The following KYAT3 variants were observed in gnomAD, a reference collection of about 807,000 sequenced individuals.
KYAT3 encodes the protein kynurenine aminotransferase 3, also known as kynurenine--oxoglutarate transaminase 3.
In KYAT3, 50 loss-of-function variants were observed where a neutral mutation model predicts 59.0. The observed-to-expected ratio is 0.85, with a 90% CI of 0.68 to 1.07. The LOEUF is 1.07. Among genes scored for constraint, KYAT3 ranks in the 50% least tolerant of loss-of-function variants. The pLI, the probability that KYAT3 is intolerant of heterozygous loss-of-function variation, is 0.00. For synonymous variants in KYAT3, 148 were observed against 177.0 expected, an observed-to-expected ratio of 0.84 and a Z score of 1.30; for missense variants, 497 against 533.3, an observed-to-expected ratio of 0.93 and a Z score of 0.67.
rs1675573786 is a variant in KYAT3 at position 88,949,192 on chromosome 1, TCTAA to T, written c.1036_1039del (p.Leu346LysfsTer2). ...ACGTACCATCCGATCTCTTTTTACT[TCTAA>T]CTCTTTTGGCAAAGAATTAAAGTAA... On this transcript the variant is annotated frameshift_variant, in exon 11 of 14. Coordinates refer to ENST00000260508, the MANE Select transcript of KYAT3 (RefSeq NM_001008661.3). LOFTEE classifies it high-confidence loss of function. The T allele has an allele frequency of 1.2e-6, 2 of 1,610,848 alleles. No homozygotes were observed. The highest frequency in any genetic ancestry group is 3.4e-5 in the Admixed American group (2 of 59,182).
chr1:88,922,809 C>T, the KYAT3 span, among the ~76,000 whole-genome samples: 1 of 152,208 alleles, frequency 6.6e-6, no homozygotes, highest in Non-Finnish European at 1.5e-5. Flanking sequence ...CTCAAATTGG[C>T]TTAAGACATT....
At chr1:88,979,642 A>G (rs1027893746) in intron 2 of KYAT3, 2 of 152,224 alleles carry the variant, frequency 1.3e-5, no homozygotes, top group Non-Finnish European at 2.9e-5. Context: ...TAAAACCACA[A>G]TGAGATACCA....
chr1:88,987,413 T>C (rs921735712), intron 2 of KYAT3, among the ~76,000 whole-genome samples: 2 of 152,202 alleles, frequency 1.3e-5, no homozygotes, highest in African/African-American at 4.8e-5. Flanking sequence ...AAGACACTGA[T>C]GATGGTTTTT....
intron 2 of KYAT3, chr1:88,980,346 C>G (rs1677021268): frequency 6.6e-6 from 1 of 152,488 alleles, no homozygotes; most frequent in Non-Finnish European, 1.5e-5. Flanking sequence ...ATTCTGAAAT[C>G]ATGCCTTCTT....
intron 13 of KYAT3, among the ~76,000 whole-genome samples, chr1:88,942,543 T>A (rs1401100199): frequency 6.6e-6 from 1 of 152,142 alleles, no homozygotes; most frequent in Non-Finnish European, 1.5e-5. Flanking sequence ...TCAAAAAGTG[T>A]TGAATTTTAT....
At chr1:88,958,152 C>T (rs1675993330) in intron 8 of KYAT3, among the ~76,000 whole-genome samples, 1 of 152,124 alleles carries the variant, frequency 6.6e-6, no homozygotes. Flanking sequence ...CCACAGACAC[C>T]CAAACTCAGC....
At chr1:88,927,694 C>T in the KYAT3 span, among the ~76,000 whole-genome samples, 1 of 152,168 alleles carries the variant, frequency 6.6e-6, no homozygotes, top group Non-Finnish European at 1.5e-5. Context: ...GAGAATTCGG[C>T]CCAGCCAGAG....
chr1:88,992,296 G>A (rs192859368), intron 1 of KYAT3, among the ~76,000 whole-genome samples: 56 of 152,342 alleles, frequency 3.7e-4, no homozygotes, highest in Middle Eastern at 3.4e-3. Context: ...GAGTCCCAAA[G>A]TCATTCTTCT....
intron 2 of KYAT3, among the ~76,000 whole-genome samples, chr1:88,973,425 G>A (rs946982352): frequency 2.0e-5 from 3 of 152,206 alleles, no homozygotes; most frequent in African/African-American, 7.2e-5. Context: ...AATGCTCACT[G>A]TCTAAGTAAG....
chr1:88,962,777 G>A (rs1557692985), intron 5 of KYAT3, among the ~76,000 whole-genome samples: 1 of 152,160 alleles, frequency 6.6e-6, no homozygotes, highest in South Asian at 2.1e-4. Flanking sequence ...TTACAGGCCT[G>A]AGCCACCACA....
downstream of KYAT3, among the ~76,000 whole-genome samples, chr1:88,933,257 A>G (rs1051128921): frequency 1.3e-5 from 2 of 152,218 alleles, no homozygotes; most frequent in African/African-American, 4.8e-5. Flanking sequence ...GGCTAGATGA[A>G]AAGCCTAGAG....
downstream of KYAT3, among the ~76,000 whole-genome samples, chr1:88,935,376 GAAAA>G (rs1553166759): frequency 2.3e-5 from 1 of 43,076 alleles, no homozygotes; most frequent in Non-Finnish European, 5.7e-5. Context: ...GAGAGAGAGA[GAAAA>G]AAAAAAGGGA....
rs773187009 is a variant in KYAT3, at chr1:88,940,750, T to C, written c.1302+2255A>G. ...AATCTATAGACCAACCAGAGTCTCC[T>C]TTCCACCTTGCCTTACATAGTTTCC... On this transcript the variant is annotated intron_variant, in intron 13 of 13. Transcript: ENST00000260508. Among the ~76,000 whole-genome samples the C allele has an allele frequency of 9.8e-5, 15 of 152,366 alleles. 1 individual carries two copies. The highest frequency in any genetic ancestry group is 6.8e-3 in the Middle Eastern group (2 of 294).
intron 2 of KYAT3, chr1:88,984,192 CT>C (rs1408581797): frequency 3.3e-5 from 5 of 153,822 alleles, no homozygotes; most frequent in South Asian, 1.9e-4. Context: ...AACAGGAGCC[CT>C]TTTTTTGTTG....
intron 8 of KYAT3, among the ~76,000 whole-genome samples, chr1:88,955,661 T>C (rs1675882842): frequency 6.6e-6 from 1 of 152,322 alleles, no homozygotes; most frequent in African/African-American, 2.4e-5. Context: ...GCCTATTTTC[T>C]GAGTGTATTT....
chr1:88,992,941 A>C (rs1412815889), upstream of KYAT3: 1 of 119,448 alleles, frequency 8.4e-6, no homozygotes, highest in Non-Finnish European at 1.7e-5. Context: ...GAAATGGAGG[A>C]GGGAAGGGGT....
intron 12 of KYAT3, 60 bp downstream of exon 12, chr1:88,943,290 T>G (rs942665185): frequency 3.1e-5 from 35 of 1,124,306 alleles, no homozygotes; most frequent in Non-Finnish European, 4.3e-5. Flanking sequence ...TACCAGCAGA[T>G]TTCCTTCAAA....
chr1:88,983,895 C>A, intron 2 of KYAT3: 1 of 1,592,188 alleles, frequency 6.3e-7, no homozygotes. Context: ...CCGACAGGGG[C>A]TTCCTAGCAG....
intron 11 of KYAT3, among the ~76,000 whole-genome samples, chr1:88,948,277 T>A (rs1675528692): frequency 6.6e-6 from 1 of 152,218 alleles, no homozygotes; most frequent in African/African-American, 2.4e-5. Flanking sequence ...TTCATTGGCA[T>A]ATAACTTCAT....
Sources: gnomAD v4.1 joint callset for allele counts (sites outside exome capture counted in the v4.1 genomes callset) on GRCh38, gnomAD v4.1.1 for gene constraint, MANE v1.5 for transcripts, NCBI Gene and HGNC (gene_info 2026-07-23, HGNC 2026-07-21) for gene names.